The following PLA2G4D variants were observed in gnomAD, a reference collection of about 807,000 sequenced individuals.
PLA2G4D encodes the protein phospholipase A2 group IVD, also known as cytosolic phospholipase A2 delta.
Under a neutral mutation model 94.4 loss-of-function variants are expected in PLA2G4D, and 80 were observed. The observed-to-expected ratio is 0.85, with a 90% CI of 0.71 to 1.02. The LOEUF (loss-of-function observed/expected upper bound fraction) is 1.02, where lower values mean the gene tolerates loss of function less well. PLA2G4D is among the 50% of genes least tolerant of loss of function. PLA2G4D has a pLI of 0.00. For synonymous variants in PLA2G4D, 438 were observed against 440.9 expected (o/e 0.99, Z 0.08); for missense variants, 1,050 against 1,034.7 (o/e 1.01, Z -0.20).
At position 42,084,633 on chromosome 15, in the gene PLA2G4D, G is replaced by C. The variant is rs1171834680; in HGVS notation, c.471+463C>G. Among the ~76,000 whole-genome samples, 1 of 150,436 alleles carries C rather than the reference G, an allele frequency of 6.6e-6. No homozygotes were observed. Among genetic ancestry groups the C allele is most frequent in the Non-Finnish European group, 1.5e-5 (1 of 67,146 alleles). Reference sequence around the variant, plus strand: ...GGAGCGCTGACCAGGACTCTCCCCAGTCCCAAGGAGGAGCTAGCTGCCTGA... The same window carrying C: ...GGAGCGCTGACCAGGACTCTCCCCACTCCCAAGGAGGAGCTAGCTGCCTGA... On this transcript the variant is annotated intron_variant, in intron 6 of 19. Transcript: ENST00000290472. The surrounding 1 kb of genome is among the most constrained non-coding windows in gnomAD (Gnocchi z 4.8).
Position 42,087,454 on chromosome 15 carries a change from G to A in PLA2G4D, c.119-18C>T. On this transcript the variant is annotated intron_variant, in intron 2 of 19. Coordinates refer to ENST00000290472, the MANE Select transcript of PLA2G4D (RefSeq NM_178034.4). Reference sequence around the variant, plus strand: ...CTCACTCACTGCCAAGGTTAAGGAAGTCTTCGTGAGGGAGTACTCCCCACA... The same window carrying A: ...CTCACTCACTGCCAAGGTTAAGGAAATCTTCGTGAGGGAGTACTCCCCACA... The A allele has an allele frequency of 6.2e-7, 1 of 1,613,892 alleles. No individual in the cohort carries two copies. The highest frequency in any genetic ancestry group is 8.5e-7 in the Non-Finnish European group (1 of 1,179,958).
chr15:42,075,502 T>C (rs949100154), intron 13 of PLA2G4D, among the ~76,000 whole-genome samples: 59 of 152,366 alleles, frequency 3.9e-4, no homozygotes, highest in African/African-American at 1.3e-3. Context: ...ATATTTCTAG[T>C]AATTAAGTTG....
chr15:42,079,467 C>A, intron 13 of PLA2G4D, 70 bp downstream of exon 13: 2 of 1,459,912 alleles, frequency 1.4e-6, no homozygotes, highest in Non-Finnish European at 1.8e-6. Flanking sequence ...CGCATGTCAG[C>A]CGCTTGGGAG....
rs1488647818 is a variant in PLA2G4D, at chr15:42,083,260, C to T, written c.610G>A (p.Ala204Thr). 23 of 1,614,058 alleles carry T rather than the reference C, an allele frequency of 1.4e-5. No individual in the cohort carries two copies. Among genetic ancestry groups the T allele is most frequent in the Non-Finnish European group, 1.9e-5 (22 of 1,180,014 alleles). Residue 204 changes from alanine (A) to threonine (T), a missense_variant, in exon 8 of 20, where the codon GCC (alanine) becomes ACC (threonine). Physicochemically the swap from Ala to Thr is moderately conservative, Grantham distance 58. Transcript: ENST00000290472. ...EDTQTSFLGTASAFRFHYMAA... is the reference protein window; with the variant it reads ...EDTQTSFLGTTSAFRFHYMAA... ...ATGTAGTGGAAGCGGAAGGCAGAGGCTGTGCCCAGGAAGGATGTCTGTGTG... is the reference window on the plus strand; with the variant it reads ...ATGTAGTGGAAGCGGAAGGCAGAGGTTGTGCCCAGGAAGGATGTCTGTGTG...
rs770932302 is a variant in PLA2G4D at position 42,070,495 on chromosome 15, G to A, written c.2043+222C>T. ...CCAGCTGTTCTTTGGAGTAGGTGTG[G>A]GGAGGTCCCTCCCTGTTCACCTGTC... On this transcript the variant is annotated intron_variant, in intron 18 of 19. Coordinates refer to ENST00000290472, the MANE Select transcript of PLA2G4D (RefSeq NM_178034.4). The A allele has an allele frequency of 4.8e-5, 28 of 588,174 alleles. 1 individual carries two copies. Among genetic ancestry groups the A allele is most frequent in the South Asian group, 2.5e-4 (11 of 43,794 alleles). 36.4% of individuals were successfully genotyped at this position (588,174 alleles called of 1,614,324 possible). A position where few individuals can be genotyped will look rare whatever the true frequency, so the allele number is the denominator to read the frequency against.
chr15:42,094,277 T>A, intron 1 of PLA2G4D, 138 bp downstream of exon 1: 12 of 863,486 alleles, frequency 1.4e-5, no homozygotes, highest in Non-Finnish European at 1.2e-5. Context: ...CCACCCACTC[T>A]GCATCCCAAA....
intron 18 of PLA2G4D, 131 bp from the exon 19 acceptor site, chr15:42,070,226 C>T (rs1889777001): frequency 1.1e-6 from 1 of 927,418 alleles, no homozygotes. Flanking sequence ...TCGGGCCAAG[C>T]TGCAGAGTGA....
rs764558564 is a variant in PLA2G4D at position 42,070,097 on chromosome 15, T to TG, written c.2044-3dup. 5 of 1,502,578 alleles carry TG rather than the reference T, an allele frequency of 3.3e-6. No individual in the cohort carries two copies. Among genetic ancestry groups the TG allele is most frequent in the Admixed American group, 4.6e-5 (2 of 43,172 alleles). The allele number at this position is 1,502,578 out of a possible 1,614,324, so 93.1% of individuals were successfully genotyped here. Reference sequence around the variant, plus strand: ...GTACAGCTCCGTCTGCTGCAGTGCCTGGTGGGGAGAAGGTGGCCCGGAGAG... The same window carrying TG: ...GTACAGCTCCGTCTGCTGCAGTGCCTGGGTGGGGAGAAGGTGGCCCGGAGAG... On this transcript the variant is annotated splice_region_variant and splice_polypyrimidine_tract_variant and intron_variant, in intron 18 of 19. Coordinates refer to ENST00000290472, the MANE Select transcript of PLA2G4D (RefSeq NM_178034.4).
chr15:42,069,913 G>A lies in PLA2G4D; in HGVS notation c.2226C>T (p.Ala742=). 7 of 1,420,856 alleles carry A rather than the reference G, an allele frequency of 4.9e-6. No individual in the cohort carries two copies. The highest frequency in any genetic ancestry group is 6.4e-6 in the Non-Finnish European group (7 of 1,087,460). 88.0% of individuals were successfully genotyped at this position (1,420,856 alleles called of 1,614,324 possible). A position where few individuals can be genotyped will look rare whatever the true frequency, so the allele number is the denominator to read the frequency against. ...GCTTGGGAGGGGCTGCCTCACCGGG[G>A]GCTGAGTGGTCCTTGAAGGAGGCAT... ...LVNASFKDHS[A]PGVQRSPAEL... The change falls in exon 19 of 20, where the codon GCC becomes GCT. Residue 742 remains alanine (A), a synonymous_variant. Transcript: ENST00000290472.
chr15:42,079,851 C>G, intron 12 of PLA2G4D, 92 bp from the exon 13 acceptor site: 1 of 1,276,902 alleles, frequency 7.8e-7, no homozygotes, highest in Non-Finnish European at 1.1e-6. Context: ...TCTCCTGACA[C>G]GTGGCTCCTG....
At chr15:42,086,365 C>G in intron 3 of PLA2G4D, 21 bp from the exon 4 acceptor site, 1 of 1,611,820 alleles carries the variant, frequency 6.2e-7, no homozygotes. Context: ...GGAACAGCGA[C>G]TTAGCATTTT....
chr15:42,091,970 A>G (rs930693650), intron 1 of PLA2G4D, among the ~76,000 whole-genome samples: 1 of 152,154 alleles, frequency 6.6e-6, no homozygotes, highest in African/African-American at 2.4e-5. Flanking sequence ...TTTGCTTTGT[A>G]TCCAATAAAC....
In PLA2G4D at chr15:42,087,426, G is replaced by C. The variant is rs150703393; in HGVS notation, c.129C>G (p.Ala43=). ...ACAGCTGTAGGATCACGTAAGGGTC[G>C]GCCTCACTCACTGCCAAGGTTAAGG... The part of the protein sequence containing the change: ...NLRWADLLSE[A]DPYVILQLST... The change falls in exon 3 of 20, where the codon GCC becomes GCG. Residue 43 remains alanine, a synonymous_variant. Coordinates refer to ENST00000290472, the MANE Select transcript of PLA2G4D (RefSeq NM_178034.4). The C allele has an allele frequency of 1.2e-6, 2 of 1,614,002 alleles. No homozygotes were observed. The highest frequency in any genetic ancestry group is 2.2e-5 in the East Asian group (1 of 44,884).
At chr15:42,071,723 T>C in intron 15 of PLA2G4D, 51 bp downstream of exon 15, 1 of 1,604,156 alleles carries the variant, frequency 6.2e-7, no homozygotes, top group Non-Finnish European at 8.5e-7. Context: ...CCATGTCCAT[T>C]CAGACACCTG....
intron 14 of PLA2G4D, 111 bp downstream of exon 14, chr15:42,072,164 G>A (rs1668588): frequency 0.1 from 110,967 of 1,107,326 alleles, 6,090 homozygotes; most frequent in South Asian, 0.19. Context: ...CTGCCCTTCC[G>A]GAACATTGGG....
At chr15:42,076,231 C>G (rs567593337) in intron 13 of PLA2G4D, among the ~76,000 whole-genome samples, 1 of 152,198 alleles carries the variant, frequency 6.6e-6, no homozygotes, top group African/African-American at 2.4e-5. Flanking sequence ...ATAGATGAGA[C>G]TGGGAAAATT....
intron 1 of PLA2G4D, among the ~76,000 whole-genome samples, chr15:42,089,377 A>G (rs1241011787): frequency 2.0e-5 from 3 of 152,022 alleles, no homozygotes; most frequent in Admixed American, 6.6e-5. Context: ...CAGCAAAGCC[A>G]TATGCCTGGT....
chr15:42,083,797 A>G lies in PLA2G4D; in HGVS notation c.472-18T>C, dbSNP rs1255011354. On this transcript the variant is annotated intron_variant, in intron 6 of 19. Transcript: ENST00000290472. ...TCTCGGGCCTGGGGAAGACCACATC[A>G]TGGGCAGGGGCCTCTGCAGGGTAAG... 1.2e-6 allele frequency: 2 copies of G among 1,613,048 alleles called. No homozygotes were observed. Among genetic ancestry groups the G allele is most frequent in the African/African-American group, 2.7e-5 (2 of 75,042 alleles).
In PLA2G4D at chr15:42,086,194, T is replaced by TGGGGGGCC; in HGVS notation, c.387+18_387+19insGGCCCCCC. On this transcript the variant is annotated intron_variant, in intron 4 of 19. Coordinates refer to ENST00000290472, the MANE Select transcript of PLA2G4D (RefSeq NM_178034.4). ...GGAAGAAGTGGGGCCCACGGGGACT[T>TGGGGGGCC]CCCCACCCACCCACCCACCTGGGGA... 3.7e-5 allele frequency: 51 copies of TGGGGGGCC among 1,370,394 alleles called. No individual in the cohort carries two copies. The highest frequency in any genetic ancestry group is 4.7e-5 in the African/African-American group (3 of 64,354). The allele number at this position is 1,370,394 out of a possible 1,614,324, so 84.9% of individuals were successfully genotyped here.
Sources: gnomAD v4.1 joint callset for allele counts (sites outside exome capture counted in the v4.1 genomes callset) on GRCh38, gnomAD v4.1.1 for gene constraint, Gnocchi (gnomAD v3.1) non-coding constraint, MANE v1.5 for transcripts, NCBI Gene and HGNC (gene_info 2026-07-23, HGNC 2026-07-21) for gene names.